Variants in PCSK6 observed in about 807,000 individuals in gnomAD.
PCSK6 encodes the protein proprotein convertase subtilisin/kexin type 6, also known as paired basic amino acid cleaving enzyme 4.
A neutral mutation model predicts 123.3 loss-of-function variants in PCSK6; 85 were observed. The ratio of observed to expected loss-of-function variants is 0.69; its 90% CI spans 0.58 to 0.83. The LOEUF is 0.83. Ranked by LOEUF, PCSK6 falls within the 40% of genes least tolerant of loss-of-function variation. The pLI, the probability that PCSK6 is intolerant of heterozygous loss-of-function variation, is 0.00. For missense variants in PCSK6, 1,191 were observed against 1,282.3 expected, an observed-to-expected ratio of 0.93 and a Z score of 1.09; for synonymous variants, 508 against 516.0, an observed-to-expected ratio of 0.98 and a Z score of 0.21.
intron 1 of PCSK6, among the ~76,000 whole-genome samples, chr15:101,450,607 T>C (rs1194677442): frequency 6.6e-6 from 1 of 152,150 alleles, no homozygotes; most frequent in Non-Finnish European, 1.5e-5. Context: ...CCTGATGAAA[T>C]GAACAGACTT....
At chr15:101,329,742 C>G (rs2040335137) in intron 15 of PCSK6, among the ~76,000 whole-genome samples, 1 of 152,256 alleles carries the variant, frequency 6.6e-6, no homozygotes, top group South Asian at 2.1e-4. Context: ...CTGATCTCAG[C>G]CCACTCAGCT....
At chr15:101,389,617 T>C in intron 8 of PCSK6, 53 bp from the exon 9 acceptor site, 1 of 1,457,242 alleles carries the variant, frequency 6.9e-7, no homozygotes, top group Non-Finnish European at 9.5e-7. Flanking sequence ...GCTAACTCAC[T>C]CTGTGGAGAA....
intron 11 of PCSK6, among the ~76,000 whole-genome samples, chr15:101,379,440 A>C (rs561872513): frequency 1.3e-5 from 2 of 152,340 alleles, no homozygotes; most frequent in South Asian, 4.1e-4. Context: ...ACACCAGGGT[A>C]GCATCCTCTC....
chr15:101,408,027 G>A (rs2042830559), intron 6 of PCSK6, among the ~76,000 whole-genome samples: 1 of 152,212 alleles, frequency 6.6e-6, no homozygotes, highest in South Asian at 2.1e-4. Flanking sequence ...TAGGGAATGA[G>A]GGCTGGAGAA....
At chr15:101,439,025 A>G (rs956486419) in intron 2 of PCSK6, among the ~76,000 whole-genome samples, 3 of 152,252 alleles carry the variant, frequency 2.0e-5, no homozygotes, top group Admixed American at 2.0e-4. Context: ...AGGATCCCTC[A>G]GGAGCATGGG....
chr15:101,461,860 T>C (rs2057347065), intron 1 of PCSK6, among the ~76,000 whole-genome samples: 1 of 152,108 alleles, frequency 6.6e-6, no homozygotes, highest in South Asian at 2.1e-4. Flanking sequence ...ACAGCAAATA[T>C]CAATCTTAAT....
At chr15:101,408,340 T>C (rs1282982091) in intron 6 of PCSK6, among the ~76,000 whole-genome samples, 2 of 152,330 alleles carry the variant, frequency 1.3e-5, no homozygotes, top group South Asian at 2.1e-4. Context: ...TTCTTTCTTA[T>C]GTACACCCAG....
intron 1 of PCSK6, among the ~76,000 whole-genome samples, chr15:101,468,285 CCAT>C (rs946724864): frequency 8.5e-5 from 13 of 152,104 alleles, no homozygotes; most frequent in East Asian, 1.9e-4. Flanking sequence ...GTCATTGTCA[CCAT>C]CATCATCATC....
At chr15:101,320,258 T>G (rs1350802223) in intron 18 of PCSK6, among the ~76,000 whole-genome samples, 3 of 152,074 alleles carry the variant, frequency 2.0e-5, no homozygotes, top group Non-Finnish European at 4.4e-5. Flanking sequence ...GCTATTTTTT[T>G]TATTTTTAGT....
chr15:101,342,182 C>T (rs916314093), intron 13 of PCSK6, among the ~76,000 whole-genome samples: 1 of 125,214 alleles, frequency 8.0e-6, no homozygotes, highest in African/African-American at 3.0e-5. Flanking sequence ...AAAGTAATAT[C>T]ACTGTTTTAA....
chr15:101,313,275 T>C (rs763263367), intron 20 of PCSK6, 101 bp downstream of exon 20: 6 of 1,593,382 alleles, frequency 3.8e-6, no homozygotes, highest in Non-Finnish European at 4.3e-6. Flanking sequence ...TGATGCAACA[T>C]GCCCTCCCCG....
At position 101,431,493 on chromosome 15, in the gene PCSK6, C is replaced by T. The variant is rs117226686; in HGVS notation, c.514-30G>A. 2,358 of 1,612,710 alleles carry T rather than the reference C, an allele frequency of 1.5e-3. 27 individuals carry two copies. The African/African-American group carries it at 0.025, about 17-fold the overall frequency. ...AAGCACGAAAGACACAAAGTCCCCC[C>T]GACATGGACATTCCAGATGCAGAAC... is the stretch of plus-strand genomic sequence containing the variant. On this transcript the variant is annotated intron_variant, in intron 3 of 21. Coordinates refer to ENST00000611716, the MANE Select transcript of PCSK6 (RefSeq NM_002570.5).
chr15:101,356,160 T>A (rs1446122039), intron 13 of PCSK6, among the ~76,000 whole-genome samples: 1 of 152,208 alleles, frequency 6.6e-6, no homozygotes, highest in Non-Finnish European at 1.5e-5. Flanking sequence ...GCCAAACTTC[T>A]CCGACAGATG....
intron 10 of PCSK6, chr15:101,384,018 C>T (rs2041984735): frequency 6.7e-6 from 5 of 750,560 alleles, no homozygotes; most frequent in African/African-American, 1.9e-5. Flanking sequence ...TATAGGCACA[C>T]GTCATTGCTC....
intron 13 of PCSK6, among the ~76,000 whole-genome samples, chr15:101,360,511 C>A (rs1199811454): frequency 2.5e-5 from 3 of 121,062 alleles, no homozygotes; most frequent in Admixed American, 8.4e-5. Context: ...TTAGCATCCC[C>A]TGGAACACAC....
At chr15:101,410,504 TG>T in intron 6 of PCSK6, among the ~76,000 whole-genome samples, 1 of 152,238 alleles carries the variant, frequency 6.6e-6, no homozygotes, top group East Asian at 1.9e-4. Context: ...AGGAAATGCC[TG>T]CTGCCCTCTC....
At chr15:101,441,950 C>T (rs571144955) in intron 2 of PCSK6, among the ~76,000 whole-genome samples, 8 of 152,274 alleles carry the variant, frequency 5.3e-5, no homozygotes, top group African/African-American at 1.7e-4. Flanking sequence ...GTCTCTCAAC[C>T]GCACAGAACT....
intron 17 of PCSK6, 97 bp downstream of exon 17, chr15:101,324,753 A>C (rs915316458): frequency 9.8e-7 from 1 of 1,022,654 alleles, no homozygotes; most frequent in African/African-American, 1.6e-5. Flanking sequence ...AAATACACGG[A>C]AGCAGAAGGC....
At chr15:101,329,370 G>C (rs2040327252) in intron 15 of PCSK6, among the ~76,000 whole-genome samples, 1 of 152,242 alleles carries the variant, frequency 6.6e-6, no homozygotes, top group Non-Finnish European at 1.5e-5. Flanking sequence ...TCCAAGAACA[G>C]CACACCAGAA....
Sources: allele counts gnomAD v4.1 joint callset (sites outside exome capture counted in the v4.1 genomes callset), GRCh38; gene constraint gnomAD v4.1.1; transcripts MANE v1.5; gene names NCBI Gene and HGNC (gene_info 2026-07-23, HGNC 2026-07-21).